The following ZC2HC1B variants were observed in gnomAD, a reference collection of about 807,000 sequenced individuals.
The protein encoded by ZC2HC1B is zinc finger C2HC domain-containing protein 1B.
ZC2HC1B carries 36 observed loss-of-function variants against 31.0 expected under a neutral mutation model. The ratio of observed to expected loss-of-function variants is 1.16; its 90% CI spans 0.89 to 1.54. The LOEUF is 1.54. Among genes scored for constraint, ZC2HC1B ranks in the 40% most tolerant of loss-of-function variants. ZC2HC1B has a pLI of 0.00. For missense variants in ZC2HC1B, 260 were observed against 268.6 expected, an observed-to-expected ratio of 0.97 and a Z score of 0.22; for synonymous variants, 73 against 88.0, an observed-to-expected ratio of 0.83 and a Z score of 0.95.
At chr6:143,866,890 A>G (rs1328846800) in intron 1 of ZC2HC1B, among the ~76,000 whole-genome samples, 1 of 152,006 alleles carries the variant, frequency 6.6e-6, no homozygotes, top group East Asian at 1.9e-4. Context: ...TCCATCCTTG[A>G]TTTCATTTCA....
intron 4 of ZC2HC1B, among the ~76,000 whole-genome samples, chr6:143,892,938 AAAATT>A: frequency 6.6e-6 from 1 of 152,268 alleles, no homozygotes; most frequent in South Asian, 2.1e-4. Flanking sequence ...GAGCCTTACC[AAAATT>A]AAACATTTCA....
chr6:143,878,465 A>C (rs1038581599), intron 1 of ZC2HC1B, among the ~76,000 whole-genome samples: 1 of 150,518 alleles, frequency 6.6e-6, no homozygotes, highest in Non-Finnish European at 1.5e-5. Flanking sequence ...GTGACAGAGC[A>C]AGACCTTGTC....
chr6:143,890,974 T>A (rs1043745662), intron 4 of ZC2HC1B, among the ~76,000 whole-genome samples: 21 of 150,824 alleles, frequency 1.4e-4, no homozygotes, highest in African/African-American at 4.6e-4. Context: ...CTAAAAAAAA[T>A]ACAAAAATTA....
rs1384790090 is a variant in ZC2HC1B, at chr6:143,915,887, A to AG, written c.598+12736dup. Among the ~76,000 whole-genome samples, 1 of 152,222 alleles carries AG rather than the reference A, an allele frequency of 6.6e-6. No individual in the cohort carries two copies. Among genetic ancestry groups the AG allele is most frequent in the East Asian group, 1.9e-4 (1 of 5,202 alleles). ...GAAACTGAGCATAAAAGTTTGGAAA[A>AG]GTTGCAGCCTGACAATGCAATAGAA... On this transcript the variant is annotated intron_variant, in intron 6 of 7. Coordinates refer to ENST00000237275, the MANE Select transcript of ZC2HC1B (RefSeq NM_001013623.3). This position sits in a 1 kb window ranked among gnomAD's most constrained non-coding sequence, Gnocchi z 5.2.
rs969953829 is a variant in ZC2HC1B at position 143,865,335 on chromosome 6, A to G, written c.28+768A>G. ...GCAGCGAAATGTAACTGGCAATACT[A>G]TCGTGGTAAGTACCACTTGTAATTA... On this transcript the variant is annotated intron_variant, in intron 1 of 7. Transcript: ENST00000237275. This position sits in a 1 kb window ranked among gnomAD's most constrained non-coding sequence, Gnocchi z 4.4. Among the ~76,000 whole-genome samples the G allele has an allele frequency of 2.6e-5, 4 of 152,230 alleles. No homozygotes were observed. The highest frequency in any genetic ancestry group is 2.1e-4 in the South Asian group (1 of 4,834).
Position 143,899,493 on chromosome 6 carries a change from G to A in ZC2HC1B, c.489+802G>A, listed in dbSNP as rs765671604. Among the ~76,000 whole-genome samples the A allele has an allele frequency of 3.3e-5, 5 of 152,042 alleles. No individual in the cohort carries two copies. The highest frequency in any genetic ancestry group is 3.9e-4 in the East Asian group (2 of 5,186). ...CAGGTGCAGGTGATACTCCCACCTC[G>A]GCCTCCTGAGTAGCTGGAACTACAG... is the stretch of plus-strand genomic sequence containing the variant. On this transcript the variant is annotated intron_variant, in intron 5 of 7. Transcript: ENST00000237275. The surrounding 1 kb of genome is among the most constrained non-coding windows in gnomAD (Gnocchi z 5.0).
intron 1 of ZC2HC1B, among the ~76,000 whole-genome samples, chr6:143,874,172 G>A (rs550475637): frequency 6.6e-6 from 1 of 152,058 alleles, no homozygotes; most frequent in South Asian, 2.1e-4. Context: ...AATGCCATCA[G>A]TCTCTTTGAT....
intron 1 of ZC2HC1B, among the ~76,000 whole-genome samples, chr6:143,876,425 A>C (rs1034933742): frequency 6.6e-6 from 1 of 150,470 alleles, no homozygotes; most frequent in African/African-American, 2.5e-5. Flanking sequence ...TTCATGCCAA[A>C]GTCTATCAGT....
chr6:143,912,800 T>C (rs544268024), intron 6 of ZC2HC1B, among the ~76,000 whole-genome samples: 24 of 152,294 alleles, frequency 1.6e-4, no homozygotes, highest in African/African-American at 5.3e-4. Context: ...CTTCTGCCCC[T>C]GATCGGTTTG....
At chr6:143,894,103 A>T (rs1296938893) in intron 4 of ZC2HC1B, among the ~76,000 whole-genome samples, 1 of 152,238 alleles carries the variant, frequency 6.6e-6, no homozygotes, top group African/African-American at 2.4e-5. Flanking sequence ...ATGATTGTTC[A>T]TAGCTTTATT....
intron 5 of ZC2HC1B, 91 bp from the exon 6 acceptor site, chr6:143,902,953 T>C (rs1777752870): frequency 8.5e-7 from 1 of 1,179,578 alleles, no homozygotes; most frequent in Admixed American, 2.0e-5. Flanking sequence ...ATTCTGCTGC[T>C]GGTTAAGTGG....
At chr6:143,926,805 A>G (rs1778053452) in intron 6 of ZC2HC1B, among the ~76,000 whole-genome samples, 2 of 142,460 alleles carry the variant, frequency 1.4e-5, no homozygotes, top group Non-Finnish European at 3.1e-5. Flanking sequence ...TGTTAAGTTC[A>G]TATATATTTA....
chr6:143,873,093 C>A (rs1212553687), intron 1 of ZC2HC1B, among the ~76,000 whole-genome samples: 1 of 152,142 alleles, frequency 6.6e-6, no homozygotes, highest in African/African-American at 2.4e-5. Context: ...TAGTTACTTC[C>A]TAGATAAAAT....
chr6:143,907,938 T>C (rs1403623021), intron 6 of ZC2HC1B, among the ~76,000 whole-genome samples: 2 of 152,246 alleles, frequency 1.3e-5, no homozygotes, highest in Non-Finnish European at 2.9e-5. Flanking sequence ...TTAATCCATC[T>C]TGAGTTGATT....
chr6:143,910,893 C>T (rs1027958499), intron 6 of ZC2HC1B, among the ~76,000 whole-genome samples: 3 of 152,262 alleles, frequency 2.0e-5, no homozygotes, highest in East Asian at 1.9e-4. Context: ...GCTGAGATTA[C>T]GGGCACCCAC....
Position 143,921,378 on chromosome 6 carries a change from A to G in ZC2HC1B, c.599-16271A>G, listed in dbSNP as rs1289734991. Among the ~76,000 whole-genome samples, 1 of 152,188 alleles carries G rather than the reference A, an allele frequency of 6.6e-6. No individual in the cohort carries two copies. Among genetic ancestry groups the G allele is most frequent in the African/African-American group, 2.4e-5 (1 of 41,452 alleles). ...AAGTTTCAAGAAAGGGGAATTCTCTACTGTATCTTTCTCTATTGTACTGGA... is the reference window on the plus strand; with the variant it reads ...AAGTTTCAAGAAAGGGGAATTCTCTGCTGTATCTTTCTCTATTGTACTGGA... On this transcript the variant is annotated intron_variant, in intron 6 of 7. Coordinates refer to ENST00000237275, the MANE Select transcript of ZC2HC1B (RefSeq NM_001013623.3). The surrounding 1 kb of genome is among the most constrained non-coding windows in gnomAD (Gnocchi z 6.1).
intron 4 of ZC2HC1B, among the ~76,000 whole-genome samples, chr6:143,891,530 A>C (rs1457286699): frequency 6.6e-6 from 1 of 151,976 alleles, no homozygotes; most frequent in African/African-American, 2.4e-5. Context: ...GTGAAACCCC[A>C]TCTCTACTAA....
At chr6:143,919,260 TG>T in intron 6 of ZC2HC1B, among the ~76,000 whole-genome samples, 1 of 150,854 alleles carries the variant, frequency 6.6e-6, no homozygotes, top group South Asian at 2.1e-4. Context: ...TGTGTGTGTG[TG>T]TGTGTATGTG....
rs930558308 is a variant in ZC2HC1B, at chr6:143,908,050, C to T, written c.598+4898C>T. ...TAAATAAAGAATTCTTTCCCCATTG[C>T]TTGTTTTTGTCAGGTTTGTTGAAGA... On this transcript the variant is annotated intron_variant, in intron 6 of 7. Coordinates refer to ENST00000237275, the MANE Select transcript of ZC2HC1B (RefSeq NM_001013623.3). This position sits in a 1 kb window ranked among gnomAD's most constrained non-coding sequence, Gnocchi z 4.4. Among the ~76,000 whole-genome samples, 1 of 152,130 alleles carries T rather than the reference C, an allele frequency of 6.6e-6. No homozygotes were observed. Among genetic ancestry groups the T allele is most frequent in the Non-Finnish European group, 1.5e-5 (1 of 68,016 alleles).
Sources: allele counts gnomAD v4.1 joint callset (sites outside exome capture counted in the v4.1 genomes callset), GRCh38; gene constraint gnomAD v4.1.1; non-coding constraint Gnocchi (gnomAD v3.1); transcripts MANE v1.5; gene names NCBI Gene and HGNC (gene_info 2026-07-23, HGNC 2026-07-21).